The following LIMCH1 variants were observed in gnomAD, a reference collection of about 807,000 sequenced individuals.
LIMCH1 encodes the protein LIM and calponin homology domains 1.
A neutral mutation model predicts 176.5 loss-of-function variants in LIMCH1; 113 were observed. That is an observed-to-expected ratio of 0.64 (90% CI 0.55 to 0.75). The LOEUF (loss-of-function observed/expected upper bound fraction) is 0.75, where lower values mean the gene tolerates loss of function less well. Among genes scored for constraint, LIMCH1 ranks in the 30% least tolerant of loss-of-function variants. LIMCH1 has a pLI of 0.00. For synonymous variants in LIMCH1, 619 were observed against 645.9 expected (o/e 0.96, Z 0.63); for missense variants, 1,674 against 1,814.9 (o/e 0.92, Z 1.41).
At chr4:41,417,685 T>C (rs1348277956) in intron 1 of LIMCH1, among the ~76,000 whole-genome samples, 1 of 151,916 alleles carries the variant, frequency 6.6e-6, no homozygotes, top group African/African-American at 2.4e-5. Context: ...CATGCCTGGC[T>C]AATACTTTTG....
In LIMCH1 at chr4:41,623,049, T is replaced by C. The variant is rs185259551; in HGVS notation, c.725+2359T>C. On this transcript the variant is annotated intron_variant, in intron 7 of 31. Transcript: ENST00000503057. ...ATGCCACCAGCCTGGCATGTCTACGTCTTTGTCACTTACTTTTTTGCATGC... is the reference window on the plus strand; with the variant it reads ...ATGCCACCAGCCTGGCATGTCTACGCCTTTGTCACTTACTTTTTTGCATGC... 9.2e-4 allele frequency among the ~76,000 whole-genome samples: 140 copies of C among 152,274 alleles called. 1 individual carries two copies. The highest frequency in any genetic ancestry group is 3.2e-3 in the African/African-American group (131 of 41,556).
chr4:41,636,711 G>A (rs61390368), intron 13 of LIMCH1, among the ~76,000 whole-genome samples: 3,777 of 152,196 alleles, frequency 0.025, 44 homozygotes, highest in African/African-American at 0.031. Context: ...ACATTTATTG[G>A]TAGAGATGTC....
chr4:41,494,452 CAT>C (rs2071689712), intron 1 of LIMCH1: 7 of 888,506 alleles, frequency 7.9e-6, no homozygotes, highest in Middle Eastern at 2.5e-4. Context: ...TGTACACACA[CAT>C]ACACACACAC....
At chr4:41,525,937 G>A (rs1328516523) in intron 3 of LIMCH1, among the ~76,000 whole-genome samples, 1 of 152,002 alleles carries the variant, frequency 6.6e-6, no homozygotes, top group African/African-American at 2.4e-5. Flanking sequence ...GAAGGCCCCA[G>A]GAAAATCCAG....
intron 1 of LIMCH1, among the ~76,000 whole-genome samples, chr4:41,494,374 T>A (rs957839314): frequency 1.1e-4 from 17 of 150,528 alleles, no homozygotes; most frequent in African/African-American, 3.7e-4. Context: ...CACATACATA[T>A]ATACACATAC....
intron 1 of LIMCH1, among the ~76,000 whole-genome samples, chr4:41,492,552 T>C (rs2071283831): frequency 6.6e-6 from 1 of 152,224 alleles, no homozygotes; most frequent in Admixed American, 6.5e-5. Flanking sequence ...TCTTCATAAA[T>C]GCTCACTGTG....
At chr4:41,380,381 C>G (rs1171786376) in intron 1 of LIMCH1, among the ~76,000 whole-genome samples, 3 of 151,398 alleles carry the variant, frequency 2.0e-5, no homozygotes, top group African/African-American at 7.3e-5. Flanking sequence ...TCCTCCTGGC[C>G]TCAAGCAATC....
intron 1 of LIMCH1, among the ~76,000 whole-genome samples, chr4:41,473,691 A>G (rs1208332220): frequency 6.6e-6 from 1 of 152,240 alleles, no homozygotes; most frequent in Non-Finnish European, 1.5e-5. Context: ...CAGCAAAAGC[A>G]AAAATAGACA....
At chr4:41,578,276 C>T (rs1438713495) in intron 1 of LIMCH1, among the ~76,000 whole-genome samples, 2 of 152,172 alleles carry the variant, frequency 1.3e-5, no homozygotes, top group East Asian at 3.8e-4. Context: ...GCACCAGACA[C>T]TTATCAAACA....
intron 1 of LIMCH1, among the ~76,000 whole-genome samples, chr4:41,557,546 CTGTGTGTGTG>C (rs34757433): frequency 4.1e-5 from 6 of 147,842 alleles, no homozygotes; most frequent in East Asian, 2.0e-4. Flanking sequence ...TTTATTGCCT[CTGTGTGTGTG>C]TGTGTGTGTG....
chr4:41,376,372 G>C (rs1481397211), intron 1 of LIMCH1, among the ~76,000 whole-genome samples: 1 of 152,052 alleles, frequency 6.6e-6, no homozygotes, highest in African/African-American at 2.4e-5. Flanking sequence ...AAATTTTGAG[G>C]TTTTATTTTT....
At chr4:41,419,738 C>CTTCCTT (rs1429148339) in intron 1 of LIMCH1, among the ~76,000 whole-genome samples, 2 of 142,592 alleles carry the variant, frequency 1.4e-5, no homozygotes, top group African/African-American at 5.4e-5. Context: ...TTTCTTCCTC[C>CTTCCTT]CCTCCTTCTT....
intron 1 of LIMCH1, among the ~76,000 whole-genome samples, chr4:41,587,227 A>T (rs1339081793): frequency 6.6e-6 from 1 of 152,208 alleles, no homozygotes; most frequent in Non-Finnish European, 1.5e-5. Flanking sequence ...TTGTGAGTGC[A>T]GCCAGTATTG....
chr4:41,651,095 C>T (rs946727853), intron 18 of LIMCH1, among the ~76,000 whole-genome samples: 3 of 152,054 alleles, frequency 2.0e-5, no homozygotes, highest in Non-Finnish European at 2.9e-5. Context: ...CAACCTCTGC[C>T]TCCAGGCTTC....
At chr4:41,387,982 T>C (rs553252085) in intron 1 of LIMCH1, among the ~76,000 whole-genome samples, 2 of 152,270 alleles carry the variant, frequency 1.3e-5, no homozygotes, top group East Asian at 3.9e-4. Context: ...TGGTGGTGCA[T>C]GCCTGTAATC....
chr4:41,689,690 C>T (rs1186511625), intron 30 of LIMCH1, 55 bp downstream of exon 30: 14 of 1,137,830 alleles, frequency 1.2e-5, no homozygotes, highest in Admixed American at 5.1e-5. Flanking sequence ...CTTTTGGCAT[C>T]GTTCCGTGCT....
upstream of LIMCH1, among the ~76,000 whole-genome samples, chr4:41,360,027 GT>G (rs2051795462): frequency 6.8e-5 from 2 of 29,430 alleles, no homozygotes; most frequent in African/African-American, 9.2e-4. The surrounding 1 kb of genome is among the most constrained non-coding windows in gnomAD (Gnocchi z 4.5). Context: ...GGTGTGTAGG[GT>G]GTGTGTGTGT....
chr4:41,595,081 AT>A (rs2152734201), intron 1 of LIMCH1, among the ~76,000 whole-genome samples: 1 of 152,226 alleles, frequency 6.6e-6, no homozygotes, highest in Admixed American at 6.5e-5. Flanking sequence ...TAAAGGGTTT[AT>A]TTACTGTTCC....
chr4:41,638,911 A>T (rs766609492), intron 13 of LIMCH1, 21 bp from the exon 14 acceptor site: 26 of 1,606,770 alleles, frequency 1.6e-5, no homozygotes, highest in Admixed American at 3.4e-5. Context: ...CAGTCCTCTA[A>T]TTTTTTATTT....
Sources: allele counts gnomAD v4.1 joint callset (sites outside exome capture counted in the v4.1 genomes callset), GRCh38; gene constraint gnomAD v4.1.1; non-coding constraint Gnocchi (gnomAD v3.1); transcripts MANE v1.5; gene names NCBI Gene and HGNC (gene_info 2026-07-23, HGNC 2026-07-21).